Variants in XKR9 observed in about 807,000 individuals in gnomAD.
XKR9 encodes the protein XK related 9.
Under a neutral mutation model 32.0 loss-of-function variants are expected in XKR9, and 32 were observed. The ratio of observed to expected loss-of-function variants is 1.00; its 90% CI spans 0.76 to 1.34. The LOEUF (loss-of-function observed/expected upper bound fraction) is 1.34. XKR9 is among the 40% of genes most tolerant of loss of function. XKR9 has a pLI of 0.00. For missense variants in XKR9, 546 were observed against 429.7 expected (o/e 1.27, Z -2.39); for synonymous variants, 168 against 143.4 (o/e 1.17, Z -1.22).
At chr8:70,990,457 G>T in the XKR9 span, among the ~76,000 whole-genome samples, 2 of 152,112 alleles carry the variant, frequency 1.3e-5, no homozygotes, top group Non-Finnish European at 2.9e-5. Flanking sequence ...AAAAAGGAAA[G>T]AATTTATATC....
At chr8:70,777,360 T>C (rs1017747524) in intron 2 of XKR9, among the ~76,000 whole-genome samples, 5 of 152,206 alleles carry the variant, frequency 3.3e-5, no homozygotes, top group African/African-American at 1.2e-4. Flanking sequence ...CTATTACTGA[T>C]GGACATTTGG....
intron 3 of XKR9, chr8:70,683,456 T>A: frequency 2.3e-6 from 1 of 431,074 alleles, no homozygotes; most frequent in Non-Finnish European, 4.6e-6. Flanking sequence ...TTTTTATTTC[T>A]TCTTGAATCT....
At chr8:71,055,427 C>T in the XKR9 span, among the ~76,000 whole-genome samples, 991 of 152,258 alleles carry the variant, frequency 6.5e-3, 11 homozygotes, top group African/African-American at 0.022. Flanking sequence ...TGTTGCAGAA[C>T]AGCTTCATTC....
the XKR9 span, among the ~76,000 whole-genome samples, chr8:71,019,776 G>A: frequency 6.6e-6 from 1 of 152,126 alleles, no homozygotes; most frequent in African/African-American, 2.4e-5. Context: ...TAAGGTGAAA[G>A]CAGAAAAGGG....
chr8:70,974,648 A>G, the XKR9 span, among the ~76,000 whole-genome samples: 1 of 152,084 alleles, frequency 6.6e-6, no homozygotes, highest in African/African-American at 2.4e-5. Flanking sequence ...ATTGATGGAC[A>G]TTTGGGTTGG....
intron 3 of XKR9, among the ~76,000 whole-genome samples, chr8:70,684,738 GA>G (rs1244110421): frequency 6.8e-6 from 1 of 146,026 alleles, no homozygotes; most frequent in African/African-American, 2.5e-5. Flanking sequence ...AAAAACACAT[GA>G]AAAAATGCTC....
the XKR9 span, among the ~76,000 whole-genome samples, chr8:70,917,589 A>C: frequency 4.1e-4 from 63 of 152,320 alleles, no homozygotes; most frequent in Admixed American, 1.4e-3. Flanking sequence ...AAGTGGAGGA[A>C]CATCTATAGT....
the XKR9 span, among the ~76,000 whole-genome samples, chr8:70,901,631 GTTT>G: frequency 6.6e-6 from 1 of 152,162 alleles, no homozygotes; most frequent in African/African-American, 2.4e-5. Flanking sequence ...TCTGATGGTA[GTTT>G]CTTTTGCTGT....
the XKR9 span, among the ~76,000 whole-genome samples, chr8:70,959,394 C>A: frequency 1.3e-5 from 2 of 152,110 alleles, no homozygotes; most frequent in South Asian, 2.1e-4. Context: ...CTAATTAATT[C>A]TCTTTAATGT....
chr8:70,951,880 G>T, the XKR9 span, among the ~76,000 whole-genome samples: 1 of 51,718 alleles, frequency 1.9e-5, no homozygotes, highest in Non-Finnish European at 3.6e-5. Flanking sequence ...GGGGGGGGTG[G>T]TTCTCCTTGT....
intron 4 of XKR9, among the ~76,000 whole-genome samples, chr8:70,726,838 G>A (rs55922402): frequency 0.073 from 11,055 of 152,220 alleles, 476 homozygotes; most frequent in Non-Finnish European, 0.089. Context: ...GCCCAAGGAA[G>A]CTTCACCAGA....
At chr8:70,850,005 A>G in the XKR9 span, among the ~76,000 whole-genome samples, 13 of 151,990 alleles carry the variant, frequency 8.6e-5, no homozygotes, top group East Asian at 5.8e-4. Flanking sequence ...AAATCCCAGG[A>G]CCAGATGGAT....
chr8:70,981,931 T>A, the XKR9 span, among the ~76,000 whole-genome samples: 1 of 152,228 alleles, frequency 6.6e-6, no homozygotes, highest in East Asian at 1.9e-4. Flanking sequence ...AGCCACCCAG[T>A]GGAGCTACTA....
the XKR9 span, among the ~76,000 whole-genome samples, chr8:70,950,994 CCTCT>C: frequency 1.3e-5 from 2 of 152,048 alleles, no homozygotes; most frequent in Admixed American, 6.6e-5. Context: ...TTTTCTTGTT[CCTCT>C]CTCTCTTTCT....
the XKR9 span, among the ~76,000 whole-genome samples, chr8:70,848,800 C>G: frequency 6.8e-6 from 1 of 147,330 alleles, no homozygotes; most frequent in Admixed American, 6.8e-5. Context: ...AGTTGCAATT[C>G]TAGTCTCTGA....
chr8:70,974,892 C>T, the XKR9 span, among the ~76,000 whole-genome samples: 1 of 152,182 alleles, frequency 6.6e-6, no homozygotes, highest in Non-Finnish European at 1.5e-5. Flanking sequence ...ACATCCTCTC[C>T]AGTATCTGTT....
intron 3 of XKR9, among the ~76,000 whole-genome samples, chr8:70,702,357 T>A (rs953468239): frequency 6.6e-6 from 1 of 152,180 alleles, no homozygotes; most frequent in African/African-American, 2.4e-5. Context: ...GTAGTCTAAC[T>A]TGTTGAATAT....
chr8:70,844,184 A>G, the XKR9 span, among the ~76,000 whole-genome samples: 1 of 152,204 alleles, frequency 6.6e-6, no homozygotes, highest in African/African-American at 2.4e-5. Flanking sequence ...CCCCAGCAGT[A>G]GGACAAGCTA....
the XKR9 span, among the ~76,000 whole-genome samples, chr8:71,002,937 A>G: frequency 2.0e-5 from 3 of 152,222 alleles, no homozygotes; most frequent in African/African-American, 7.2e-5. Flanking sequence ...AGCTGAGGGA[A>G]GGTGTCTCTT....
Sources: allele counts gnomAD v4.1 joint callset (sites outside exome capture counted in the v4.1 genomes callset), GRCh38; gene constraint gnomAD v4.1.1; transcripts MANE v1.5; gene names NCBI Gene and HGNC (gene_info 2026-07-23, HGNC 2026-07-21).